The following FAT3 variants were observed in gnomAD, a reference collection of about 807,000 sequenced individuals.
The protein encoded by FAT3 is FAT atypical cadherin 3.
Under a neutral mutation model 310.2 loss-of-function variants are expected in FAT3, and 95 were observed. The ratio of observed to expected loss-of-function variants is 0.31; its 90% CI spans 0.26 to 0.36. The LOEUF is 0.36. FAT3 is among the 10% of genes least tolerant of loss of function. FAT3 has a pLI of 1.00. For missense variants in FAT3, 5,408 were observed against 5,715.6 expected (o/e 0.95, Z 1.74); for synonymous variants, 2,314 against 2,192.9 (o/e 1.06, Z -1.54).
intron 2 of FAT3, among the ~76,000 whole-genome samples, chr11:92,430,259 T>A (rs946697878): frequency 6.6e-6 from 1 of 152,202 alleles, no homozygotes. Flanking sequence ...GACTGGTTAT[T>A]CCAGTTAGCA....
At chr11:92,379,263 T>C (rs1036905219) in intron 2 of FAT3, among the ~76,000 whole-genome samples, 2 of 152,216 alleles carry the variant, frequency 1.3e-5, no homozygotes, top group South Asian at 2.1e-4. Flanking sequence ...TAGATTCTTA[T>C]ATATTTATTT....
intron 1 of FAT3, among the ~76,000 whole-genome samples, chr11:92,302,859 A>C (rs1370218636): frequency 6.6e-6 from 1 of 152,142 alleles, no homozygotes; most frequent in African/African-American, 2.4e-5. Context: ...AATTTTATTC[A>C]CCAAAATGGT....
intron 1 of FAT3, among the ~76,000 whole-genome samples, chr11:92,325,753 T>TG (rs1947746106): frequency 6.6e-6 from 1 of 152,212 alleles, no homozygotes; most frequent in South Asian, 2.1e-4. Context: ...TGCCTCAGTC[T>TG]GCTGAGTAGC....
At chr11:92,265,222 A>G (rs1945903218) in intron 1 of FAT3, among the ~76,000 whole-genome samples, 1 of 151,770 alleles carries the variant, frequency 6.6e-6, no homozygotes, top group Admixed American at 6.6e-5. Context: ...CGTGATAGAA[A>G]ACACATTGCC....
chr11:92,341,504 T>G, intron 1 of FAT3, among the ~76,000 whole-genome samples: 1 of 152,220 alleles, frequency 6.6e-6, no homozygotes. Flanking sequence ...GCATTTTGCC[T>G]TGTTTGCTAA....
intron 1 of FAT3, among the ~76,000 whole-genome samples, chr11:92,326,146 T>C (rs1165940357): frequency 1.3e-5 from 2 of 152,204 alleles, no homozygotes; most frequent in Admixed American, 6.5e-5. Flanking sequence ...TCTGAGCAAG[T>C]AGTTTTTCTT....
chr11:92,646,138 C>T (rs1189179240), intron 3 of FAT3, among the ~76,000 whole-genome samples: 2 of 152,118 alleles, frequency 1.3e-5, no homozygotes, highest in African/African-American at 4.8e-5. Context: ...TCTTTAGTTC[C>T]GGATGGCATT....
At chr11:92,338,193 C>T (rs1475173445) in intron 1 of FAT3, among the ~76,000 whole-genome samples, 3 of 152,130 alleles carry the variant, frequency 2.0e-5, no homozygotes. Flanking sequence ...TGCTGCTTTC[C>T]CCATTTCACA....
intron 2 of FAT3, among the ~76,000 whole-genome samples, chr11:92,457,945 T>C (rs906674911): frequency 6.6e-6 from 1 of 151,982 alleles, no homozygotes; most frequent in Non-Finnish European, 1.5e-5. Flanking sequence ...AATAAATAAA[T>C]AAAAATAAAC....
intron 3 of FAT3, among the ~76,000 whole-genome samples, chr11:92,674,408 C>T (rs535888): frequency 0.49 from 73,437 of 151,366 alleles, 18,053 homozygotes; most frequent in African/African-American, 0.5. Context: ...CTCTGAGAAA[C>T]ATTGAGACCC....
chr11:92,802,717 A>C (rs1166723472), intron 10 of FAT3, among the ~76,000 whole-genome samples: 1 of 152,216 alleles, frequency 6.6e-6, no homozygotes, highest in African/African-American at 2.4e-5. Context: ...ATTCAAAGGC[A>C]GAACATAAAC....
chr11:92,531,075 T>G (rs1954053022), intron 3 of FAT3, among the ~76,000 whole-genome samples: 1 of 152,224 alleles, frequency 6.6e-6, no homozygotes, highest in African/African-American at 2.4e-5. Flanking sequence ...GATGATGAGT[T>G]GATATTCATA....
intron 3 of FAT3, among the ~76,000 whole-genome samples, chr11:92,571,223 G>C (rs1372099549): frequency 6.6e-6 from 1 of 152,134 alleles, no homozygotes. Flanking sequence ...GGAACTGGAT[G>C]GACAAGATAC....
At chr11:92,255,757 G>A (rs905287807) in intron 1 of FAT3, among the ~76,000 whole-genome samples, 2 of 152,118 alleles carry the variant, frequency 1.3e-5, no homozygotes, top group Non-Finnish European at 2.9e-5. Flanking sequence ...ACAGAGTCTG[G>A]CGCAAGTGCT....
intron 3 of FAT3, among the ~76,000 whole-genome samples, chr11:92,565,222 G>A (rs1474161689): frequency 9.2e-5 from 14 of 151,422 alleles, no homozygotes; most frequent in Admixed American, 1.3e-4. Flanking sequence ...CCGATCCCAC[G>A]GAAATACAAA....
chr11:92,559,352 TCTTATGCTGGGTGATTGTTTA>T, intron 3 of FAT3: 1 of 217,046 alleles, frequency 4.6e-6, no homozygotes, highest in East Asian at 1.5e-4. Flanking sequence ...TATATATATT[TCTTATGCTGGGTGATTGTTTA>T]CTTATTTTCC....
At position 92,831,814 on chromosome 11, in the gene FAT3, C is replaced by A; in HGVS notation, c.9674C>A (p.Thr3225Asn). ...SLSSLTTVTITVLDINDNPPV... is the reference protein window; with the variant it reads ...SLSSLTTVTINVLDINDNPPV... ...TCCTCTCTCACTACTGTCACCATCA[C>A]CGTTCTGGACATTAATGACAACCCC... The change falls in exon 14 of 28, where the codon ACC becomes AAC. Residue 3225 changes from threonine (T) to asparagine (N), a missense_variant. Physicochemically the swap from Thr to Asn is moderately conservative, Grantham distance 65 (BLOSUM62 0). Transcript: ENST00000525166. 1 of 1,613,658 alleles carries A rather than the reference C, an allele frequency of 6.2e-7. No individual in the cohort carries two copies. Among genetic ancestry groups the A allele is most frequent in the Non-Finnish European group, 8.5e-7 (1 of 1,179,792 alleles).
At chr11:92,410,343 G>GGAGA (rs146907224) in intron 2 of FAT3, among the ~76,000 whole-genome samples, 1 of 151,154 alleles carries the variant, frequency 6.6e-6, no homozygotes, top group Admixed American at 6.6e-5. Flanking sequence ...TGAGAGAGAC[G>GGAGA]GAGAGAGAGA....
intron 2 of FAT3, among the ~76,000 whole-genome samples, chr11:92,523,302 A>G (rs1362420601): frequency 6.6e-6 from 1 of 152,244 alleles, no homozygotes. Context: ...TGTTTTACAT[A>G]TTTCCATTTA....
Sources: allele counts gnomAD v4.1 joint callset (sites outside exome capture counted in the v4.1 genomes callset), GRCh38; gene constraint gnomAD v4.1.1; transcripts MANE v1.5; gene names NCBI Gene and HGNC (gene_info 2026-07-23, HGNC 2026-07-21).